Variants in PCDHGB3 observed in about 807,000 individuals in gnomAD.
The protein encoded by PCDHGB3 is protocadherin gamma-B3.
A neutral mutation model predicts 59.2 loss-of-function variants in PCDHGB3; 40 were observed. The observed-to-expected ratio is 0.68, with a 90% confidence interval of 0.52 to 0.88. PCDHGB3 has a LOEUF of 0.88. Among genes scored for constraint, PCDHGB3 ranks in the 40% least tolerant of loss-of-function variants. The pLI, the probability that PCDHGB3 is intolerant of heterozygous loss-of-function variation, is 0.00. For missense variants in PCDHGB3, 1,309 were observed against 1,187.9 expected (o/e 1.10, Z -1.50); for synonymous variants, 581 against 503.6 (o/e 1.15, Z -2.06).
At position 141,432,688 on chromosome 5, in the gene PCDHGB3, A is replaced by G. The variant is rs143889434; in HGVS notation, c.2415+59879A>G. On this transcript the variant is annotated intron_variant, in intron 1 of 3. Coordinates refer to ENST00000576222, the MANE Select transcript of PCDHGB3 (RefSeq NM_018924.5). The surrounding 1 kb of genome is among the most constrained non-coding windows in gnomAD (Gnocchi z 6.0). ...GAGACGCGCTCAAGCAGAGCCTCGT[A>G]GTGGCCGTCCAGGACCACGGCCAGC... 2,218 of 1,613,894 alleles carry G rather than the reference A, an allele frequency of 1.4e-3. 31 individuals are homozygous for G. The African/African-American group carries it at 0.023, about 17-fold the overall frequency.
At chr5:141,457,555 C>A (rs1425159883) in intron 1 of PCDHGB3, among the ~76,000 whole-genome samples, 2 of 152,168 alleles carry the variant, frequency 1.3e-5, no homozygotes. Context: ...GTATGATAAG[C>A]TTTGGAGCAA....
intron 1 of PCDHGB3, chr5:141,405,262 C>T (rs1352663124): frequency 1.9e-6 from 3 of 1,614,012 alleles, no homozygotes; most frequent in Non-Finnish European, 2.5e-6. Context: ...ACCTGATCTT[C>T]CCCCAGCCCA....
chr5:141,476,952 T>A lies in PCDHGB3; in HGVS notation c.2416-17855T>A, dbSNP rs1463851594. On this transcript the variant is annotated intron_variant, in intron 1 of 3. Transcript: ENST00000576222. This position sits in a 1 kb window ranked among gnomAD's most constrained non-coding sequence, Gnocchi z 7.6. ...CTGGATGAAGGCCCCAACGGTGAAA[T>A]TATTTACTCCTTCGGCAGCCACAAC... 1 of 1,614,052 alleles carries A rather than the reference T, an allele frequency of 6.2e-7. No individual in the cohort carries two copies. Among genetic ancestry groups the A allele is most frequent in the Non-Finnish European group, 8.5e-7 (1 of 1,180,038 alleles).
At chr5:141,441,872 G>A (rs1400648028) in intron 1 of PCDHGB3, 4 of 341,526 alleles carry the variant, frequency 1.2e-5, no homozygotes, top group East Asian at 9.4e-5. Context: ...GCGGAGCCTG[G>A]CTACCTGGTC....
Position 141,485,550 on chromosome 5 carries a change from TG to T in PCDHGB3, c.2416-9256del. On this transcript the variant is annotated intron_variant, in intron 1 of 3. Coordinates refer to ENST00000576222, the MANE Select transcript of PCDHGB3 (RefSeq NM_018924.5). The surrounding 1 kb of genome is among the most constrained non-coding windows in gnomAD (Gnocchi z 5.7). ...CGAGCAGAGGTAGAGATCGTAGATGTGAATGATCACGCCCCCCGTTTTCCGC... is the reference window on the plus strand; with the variant it reads ...CGAGCAGAGGTAGAGATCGTAGATGTAATGATCACGCCCCCCGTTTTCCGC... The T allele has an allele frequency of 6.2e-7, 1 of 1,613,820 alleles. No individual in the cohort carries two copies.
At chr5:141,378,945 G>A (rs1775265317) in intron 1 of PCDHGB3, 1 of 152,196 alleles carries the variant, frequency 6.6e-6, no homozygotes, top group Admixed American at 6.5e-5. Context: ...TGGAATGAAT[G>A]GAGTACAGGG....
At chr5:141,440,912 G>T (rs1281398967) in intron 1 of PCDHGB3, 1 of 152,254 alleles carries the variant, frequency 6.6e-6, no homozygotes, top group Admixed American at 6.5e-5. Context: ...GGGCACTCCT[G>T]TGCTGAGAGT....
chr5:141,415,819 T>C, intron 1 of PCDHGB3: 1 of 1,328,322 alleles, frequency 7.5e-7, no homozygotes, highest in Admixed American at 3.5e-5. Context: ...CTATATATCA[T>C]AAGGCTTTGT....
At chr5:141,502,880 T>TTTTTTTTTTG (rs2099816747) in intron 2 of PCDHGB3, among the ~76,000 whole-genome samples, 1 of 151,000 alleles carries the variant, frequency 6.6e-6, no homozygotes, top group African/African-American at 2.4e-5. Context: ...TTTTTTTTTT[T>TTTTTTTTTTG]GACAGGGAGT....
chr5:141,436,813 G>A (rs537103294), intron 1 of PCDHGB3, among the ~76,000 whole-genome samples: 91 of 152,320 alleles, frequency 6.0e-4, no homozygotes, highest in Non-Finnish European at 1.1e-3. Flanking sequence ...TGTGACAGCT[G>A]GTTTAAAAAT....
chr5:141,423,141 G>C, intron 1 of PCDHGB3: 1 of 1,613,580 alleles, frequency 6.2e-7, no homozygotes, highest in Non-Finnish European at 8.5e-7. Flanking sequence ...ACAGAGACGC[G>C]CTCAAGCAGA....
Position 141,490,710 on chromosome 5 carries a change from C to G in PCDHGB3, c.2416-4097C>G, listed in dbSNP as rs1158575765. On this transcript the variant is annotated intron_variant, in intron 1 of 3. Coordinates refer to ENST00000576222, the MANE Select transcript of PCDHGB3 (RefSeq NM_018924.5). The surrounding 1 kb of genome is among the most constrained non-coding windows in gnomAD (Gnocchi z 5.4). ...ACACTGGGGATAATGCCCGCCTCAC[C>G]TACTCCATTGTAGGAAATCAGGTTC... 6.2e-7 allele frequency: 1 copy of G among 1,614,208 alleles called. No homozygotes were observed. The highest frequency in any genetic ancestry group is 8.5e-7 in the Non-Finnish European group (1 of 1,180,030).
intron 1 of PCDHGB3, among the ~76,000 whole-genome samples, chr5:141,386,362 G>A (rs1285554716): frequency 6.6e-6 from 1 of 152,108 alleles, no homozygotes; most frequent in African/African-American, 2.4e-5. Context: ...CTTGATTCCA[G>A]AGACCTTTGA....
intron 1 of PCDHGB3, among the ~76,000 whole-genome samples, chr5:141,451,854 C>T (rs1243479409): frequency 6.6e-6 from 1 of 152,058 alleles, no homozygotes; most frequent in Non-Finnish European, 1.5e-5. Flanking sequence ...CCACTCCAGC[C>T]TAGGCCACAG....
intron 1 of PCDHGB3, chr5:141,394,982 C>G (rs754667421): frequency 2.7e-5 from 44 of 1,613,866 alleles, no homozygotes; most frequent in Non-Finnish European, 3.6e-5. Context: ...ACAAGTCACG[C>G]CTGCTCCAGG....
Position 141,486,563 on chromosome 5 carries a change from G to T in PCDHGB3, c.2416-8244G>T, listed in dbSNP as rs558244990. Reference sequence around the variant, plus strand: ...CTTTCAGAGGTCACATGAGGTGTTTGTTCCTGAGAACAATCGCCCAGGGGA... The same window carrying T: ...CTTTCAGAGGTCACATGAGGTGTTTTTTCCTGAGAACAATCGCCCAGGGGA... On this transcript the variant is annotated intron_variant, in intron 1 of 3. Transcript: ENST00000576222. The surrounding 1 kb of genome is among the most constrained non-coding windows in gnomAD (Gnocchi z 5.0). The T allele has an allele frequency of 4.3e-6, 7 of 1,614,006 alleles. No individual in the cohort carries two copies. The highest frequency in any genetic ancestry group is 4.0e-5 in the African/African-American group (3 of 75,054).
At position 141,372,277 on chromosome 5, in the gene PCDHGB3, C is replaced by A; in HGVS notation, c.1883C>A (p.Thr628Lys). 1 of 1,613,112 alleles carries A rather than the reference C, an allele frequency of 6.2e-7. No homozygotes were observed. ...SLGLRTGEVR[T>K]ARTLGDREAA... ...GGCCTGCGCACGGGTGAGGTGCGCA[C>A]GGCGCGTACCTTGGGCGACAGGGAG... The change falls in exon 1 of 4, where the codon ACG (threonine) becomes AAG (lysine). Residue 628 changes from threonine (T) to lysine (K), a missense_variant. Physicochemically the swap from Thr to Lys is moderately conservative, Grantham distance 78. Transcript: ENST00000576222.
intron 1 of PCDHGB3, among the ~76,000 whole-genome samples, chr5:141,460,640 TGTTTACACATA>T (rs2098994223): frequency 6.6e-6 from 1 of 152,096 alleles, no homozygotes; most frequent in Admixed American, 6.6e-5. Flanking sequence ...TATATAACTG[TGTTTACACATA>T]TGTAACTGTA....
chr5:141,423,185 C>T (rs996177363), intron 1 of PCDHGB3: 7 of 1,613,492 alleles, frequency 4.3e-6, no homozygotes, highest in Non-Finnish European at 5.9e-6. Context: ...CACGGCCAGC[C>T]CCCTCTCTCG....
Sources: allele counts gnomAD v4.1 joint callset (sites outside exome capture counted in the v4.1 genomes callset), GRCh38; gene constraint gnomAD v4.1.1; non-coding constraint Gnocchi (gnomAD v3.1); transcripts MANE v1.5; gene names NCBI Gene and HGNC (gene_info 2026-07-23, HGNC 2026-07-21).